Variants in KAZN observed in about 807,000 individuals in gnomAD.
KAZN encodes the protein kazrin.
Under a neutral mutation model 87.4 loss-of-function variants are expected in KAZN, and 40 were observed. The observed-to-expected ratio is 0.46, with a 90% CI of 0.36 to 0.60. The LOEUF (loss-of-function observed/expected upper bound fraction) is 0.60. Among genes scored for constraint, KAZN ranks in the 20% least tolerant of loss-of-function variants. The pLI is 0.00. For synonymous variants in KAZN, 466 were observed against 458.3 expected (o/e 1.02, Z -0.22); for missense variants, 898 against 1,073.9 (o/e 0.84, Z 2.29).
intron 1 of KAZN, among the ~76,000 whole-genome samples, chr1:14,728,872 T>C (rs1643544125): frequency 6.6e-6 from 1 of 152,182 alleles, no homozygotes; most frequent in Admixed American, 6.5e-5. Context: ...TGGCAAGGAT[T>C]AGATGAGCGA....
chr1:13,910,565 T>C (rs1327883930), intron 1 of KAZN, among the ~76,000 whole-genome samples: 1 of 151,724 alleles, frequency 6.6e-6, no homozygotes, highest in African/African-American at 2.4e-5. Context: ...CCATATAAAG[T>C]TCCTGGCTCC....
At chr1:13,897,531 T>C (rs139545426) in intron 1 of KAZN, among the ~76,000 whole-genome samples, 117 of 152,282 alleles carry the variant, frequency 7.7e-4, no homozygotes, top group African/African-American at 2.6e-3. Flanking sequence ...AGAATAGATC[T>C]GAAAGTCCTG....
At chr1:13,924,326 G>T (rs1640187198) in intron 1 of KAZN, among the ~76,000 whole-genome samples, 1 of 152,018 alleles carries the variant, frequency 6.6e-6, no homozygotes, top group Non-Finnish European at 1.5e-5. Context: ...AATTTATGTG[G>T]GTATGAAGGG....
At chr1:14,022,485 CAAAAAAA>C (rs58713618) in intron 1 of KAZN, among the ~76,000 whole-genome samples, 397 of 110,310 alleles carry the variant, frequency 3.6e-3, no homozygotes, top group African/African-American at 0.012. Context: ...GTATTTAAAG[CAAAAAAA>C]AAAAAAAAAA....
intron 1 of KAZN, among the ~76,000 whole-genome samples, chr1:14,680,950 G>A (rs1640533054): frequency 6.6e-6 from 1 of 152,172 alleles, no homozygotes; most frequent in South Asian, 2.1e-4. Flanking sequence ...TTCTGAGGAG[G>A]GCCTCAGGTA....
intron 2 of KAZN, among the ~76,000 whole-genome samples, chr1:14,246,737 A>C (rs1171847637): frequency 6.6e-6 from 1 of 152,166 alleles, no homozygotes; most frequent in Non-Finnish European, 1.5e-5. Flanking sequence ...GCCTAGTTTT[A>C]GTTGTGCAAT....
chr1:14,915,898 G>C (rs1310552212), intron 1 of KAZN, among the ~76,000 whole-genome samples: 1 of 152,150 alleles, frequency 6.6e-6, no homozygotes, highest in Non-Finnish European at 1.5e-5. Context: ...CAGCATCATG[G>C]CTATGAGTAT....
At chr1:14,837,150 T>C (rs1022045094) in intron 1 of KAZN, among the ~76,000 whole-genome samples, 10 of 152,228 alleles carry the variant, frequency 6.6e-5, no homozygotes, top group Admixed American at 2.6e-4. Context: ...CTCTTGCTTC[T>C]TGCTTTCTTC....
chr1:14,075,866 C>T (rs1320322286), intron 1 of KAZN, among the ~76,000 whole-genome samples: 2 of 152,050 alleles, frequency 1.3e-5, no homozygotes, highest in African/African-American at 2.4e-5. Flanking sequence ...GTGTTCCCGT[C>T]CCCCCAAACT....
At chr1:14,829,559 G>A (rs1166109124) in intron 1 of KAZN, among the ~76,000 whole-genome samples, 1 of 152,178 alleles carries the variant, frequency 6.6e-6, no homozygotes, top group African/African-American at 2.4e-5. Context: ...GACAGAGCAA[G>A]ACTCTGTCTC....
intron 1 of KAZN, among the ~76,000 whole-genome samples, chr1:14,851,239 T>C (rs1649398848): frequency 6.6e-6 from 1 of 152,102 alleles, no homozygotes; most frequent in Non-Finnish European, 1.5e-5. Flanking sequence ...GTTACCTTCT[T>C]ATCACATTGA....
At chr1:14,860,768 C>T (rs534310869) in intron 1 of KAZN, among the ~76,000 whole-genome samples, 2 of 152,294 alleles carry the variant, frequency 1.3e-5, no homozygotes, top group Non-Finnish European at 2.9e-5. Context: ...TAATTGTGTT[C>T]TCAGAATACA....
intron 1 of KAZN, among the ~76,000 whole-genome samples, chr1:14,958,762 G>C (rs151224586): frequency 6.6e-6 from 1 of 152,214 alleles, no homozygotes; most frequent in African/African-American, 2.4e-5. Flanking sequence ...GCATGTGTCC[G>C]GTCTAGCCAG....
intron 1 of KAZN, among the ~76,000 whole-genome samples, chr1:14,841,344 TGCAGTGAGCCGA>T (rs569831371): frequency 1.9e-3 from 268 of 138,306 alleles, no homozygotes; most frequent in African/African-American, 7.0e-3. Context: ...AGGCGGAGCT[TGCAGTGAGCCGA>T]GATCGCCCCA....
At chr1:14,841,080 T>C (rs1647916199) in intron 1 of KAZN, among the ~76,000 whole-genome samples, 2 of 152,138 alleles carry the variant, frequency 1.3e-5, no homozygotes, top group African/African-American at 4.8e-5. Context: ...ATTTGGCACA[T>C]TTGTGGCACC....
chr1:14,204,941 T>C (rs1646709278), intron 2 of KAZN, among the ~76,000 whole-genome samples: 1 of 152,254 alleles, frequency 6.6e-6, no homozygotes, highest in Non-Finnish European at 1.5e-5. Context: ...GCAACTTAAC[T>C]AATAAAATCT....
intron 2 of KAZN, among the ~76,000 whole-genome samples, chr1:14,969,008 G>T (rs1664747591): frequency 6.6e-6 from 1 of 152,210 alleles, no homozygotes; most frequent in Non-Finnish European, 1.5e-5. Context: ...GCTTCAAGGA[G>T]TTCTAGGCTG....
intron 2 of KAZN, among the ~76,000 whole-genome samples, chr1:15,005,383 C>T (rs750056689): frequency 2.0e-5 from 3 of 152,210 alleles, no homozygotes; most frequent in African/African-American, 4.8e-5. Flanking sequence ...CACACCTCCC[C>T]GAGACTGACC....
intron 1 of KAZN, among the ~76,000 whole-genome samples, chr1:14,616,894 G>C (rs970578398): frequency 6.6e-6 from 1 of 152,160 alleles, no homozygotes; most frequent in African/African-American, 2.4e-5. Context: ...CCATCAAATC[G>C]CTATTAACTC....
Sources: gnomAD v4.1 joint callset for allele counts (sites outside exome capture counted in the v4.1 genomes callset) on GRCh38, gnomAD v4.1.1 for gene constraint, MANE v1.5 for transcripts, NCBI Gene and HGNC (gene_info 2026-07-23, HGNC 2026-07-21) for gene names.